MIB1: variants seen among roughly 807,000 people sequenced by gnomAD.
MIB1 encodes the protein E3 ubiquitin-protein ligase MIB1.
A neutral mutation model predicts 124.5 loss-of-function variants in MIB1; 278 were observed. The observed-to-expected ratio is 2.23, with a 90% CI of 2.02 to 2.47. The LOEUF (loss-of-function observed/expected upper bound fraction) is 2.47, where lower values mean the gene tolerates loss of function less well. MIB1 is among the 30% of genes most tolerant of loss of function. MIB1 has a pLI of 0.00. For synonymous variants in MIB1, 446 were observed against 429.4 expected, an observed-to-expected ratio of 1.04 and a Z score of -0.48; for missense variants, 957 against 1,254.4, an observed-to-expected ratio of 0.76 and a Z score of 3.58.
intron 3 of MIB1, 109 bp downstream of exon 3, chr18:21,768,861 A>G: frequency 2.1e-6 from 2 of 949,232 alleles, no homozygotes; most frequent in South Asian, 4.9e-5. Flanking sequence ...CATGCCAGTA[A>G]CAGTTTTTAA....
chr18:21,834,811 G>A (rs181596800), intron 12 of MIB1, among the ~76,000 whole-genome samples: 1 of 152,318 alleles, frequency 6.6e-6, no homozygotes, highest in East Asian at 1.9e-4. Flanking sequence ...TTCTGGAACA[G>A]AGAAAGAACA....
Position 21,768,324 on chromosome 18 carries a change from T to C in MIB1, c.402-299T>C, listed in dbSNP as rs183557029. Among the ~76,000 whole-genome samples the C allele has an allele frequency of 2.0e-5, 3 of 152,338 alleles. No individual in the cohort carries two copies. In the East Asian group the frequency reaches 5.8e-4, roughly 29 times the overall value. ...TTCCTCATTTATAAAGTGGATAATA[T>C]AGCGGTAACTTTCTCTTAAGGAGTG... is the stretch of plus-strand genomic sequence containing the variant. On this transcript the variant is annotated intron_variant, in intron 2 of 20. Coordinates refer to ENST00000261537, the MANE Select transcript of MIB1 (RefSeq NM_020774.4).
intron 13 of MIB1, among the ~76,000 whole-genome samples, chr18:21,839,432 AG>A (rs1568222267): frequency 6.6e-6 from 1 of 152,196 alleles, no homozygotes; most frequent in East Asian, 1.9e-4. Context: ...TCTTGAAATC[AG>A]GTAGATTAAA....
rs773562812 is a variant in MIB1 at position 21,819,473 on chromosome 18, G to A, written c.1678-22G>A. 17 of 1,512,062 alleles carry A rather than the reference G, an allele frequency of 1.1e-5. No individual in the cohort carries two copies. In the South Asian group the frequency reaches 2.1e-4, roughly 18 times the overall value. The allele number at this position is 1,512,062 out of a possible 1,614,324, so 93.7% of individuals were successfully genotyped here. ...TGGGATAATTAATTGAAGAACTAAT[G>A]AAAATTTCTTTAAACTTAAAGGATT... is the stretch of plus-strand genomic sequence containing the variant. On this transcript the variant is annotated intron_variant, in intron 11 of 20. Coordinates refer to ENST00000261537, the MANE Select transcript of MIB1 (RefSeq NM_020774.4).
intron 15 of MIB1, among the ~76,000 whole-genome samples, 169 bp from the exon 16 acceptor site, chr18:21,846,775 A>G (rs767797859): frequency 3.9e-5 from 6 of 152,166 alleles, no homozygotes; most frequent in Non-Finnish European, 7.4e-5. Context: ...CTACAACTGG[A>G]GAAAGCATAC....
Position 21,773,730 on chromosome 18 carries a change from T to G in MIB1, c.636+2T>G. 6.3e-7 allele frequency: 1 copy of G among 1,579,104 alleles called. No homozygotes were observed. Among genetic ancestry groups the G allele is most frequent in the Non-Finnish European group, 8.6e-7 (1 of 1,161,850 alleles). The stretch of plus-strand genomic sequence containing the variant: ...TACAGAGTTGGCTTTGAGGGCATGG[T>G]AAGTAGTGAAGAGCCATAGCAGGTG... On this transcript the variant is annotated splice_donor_variant, in intron 4 of 20. Transcript: ENST00000261537. LOFTEE classifies it high-confidence loss of function.
At chr18:21,714,887 T>C (rs1344079983) in intron 1 of MIB1, among the ~76,000 whole-genome samples, 2 of 152,120 alleles carry the variant, frequency 1.3e-5, no homozygotes, top group African/African-American at 4.8e-5. Context: ...GACCAGATGA[T>C]GAGAATTGCA....
At chr18:21,858,513 A>G in intron 19 of MIB1, 33 bp from the exon 20 acceptor site, 1 of 952,330 alleles carries the variant, frequency 1.1e-6, no homozygotes, top group Non-Finnish European at 1.7e-6. Context: ...CAAAGCAATA[A>G]TAACTGAAAA....
chr18:21,844,256 G>A lies in MIB1; in HGVS notation c.2211+3G>A, dbSNP rs2042116717. The A allele has an allele frequency of 1.2e-6, 2 of 1,613,638 alleles. No individual in the cohort carries two copies. The highest frequency in any genetic ancestry group is 1.7e-6 in the Non-Finnish European group (2 of 1,179,820). On this transcript the variant is annotated splice_donor_region_variant and intron_variant, in intron 15 of 20. Transcript: ENST00000261537. ...CCTGGGAGCCATCCAAAAACACGGT[G>A]AGTAAAGATCATCTTTCATTCAGTA...
intron 2 of MIB1, among the ~76,000 whole-genome samples, chr18:21,767,390 A>G (rs1264858892): frequency 2.0e-5 from 3 of 152,140 alleles, no homozygotes; most frequent in East Asian, 3.9e-4. Flanking sequence ...TATCAAGAGA[A>G]CAGCATGGAG....
At chr18:21,793,039 T>C (rs2041524839) in intron 7 of MIB1, among the ~76,000 whole-genome samples, 1 of 152,212 alleles carries the variant, frequency 6.6e-6, no homozygotes, top group African/African-American at 2.4e-5. Context: ...GATAAACCAC[T>C]GACAGCTATT....
At chr18:21,706,499 G>T (rs751120149) in intron 1 of MIB1, among the ~76,000 whole-genome samples, 1 of 152,206 alleles carries the variant, frequency 6.6e-6, no homozygotes, top group Non-Finnish European at 1.5e-5. Context: ...CCCTCTGCTT[G>T]CAGGGAGGTG....
chr18:21,863,687 G>T (rs975277414), intron 20 of MIB1, among the ~76,000 whole-genome samples: 3 of 152,008 alleles, frequency 2.0e-5, no homozygotes, highest in African/African-American at 4.8e-5. Flanking sequence ...GGCAACAATC[G>T]ATTGGTAAAA....
At position 21,740,990 on chromosome 18, in the gene MIB1, G is replaced by C. The variant is rs990902251; in HGVS notation, c.-594G>C. 6.6e-6 allele frequency among the ~76,000 whole-genome samples: 1 copy of C among 152,220 alleles called. No homozygotes were observed. Among genetic ancestry groups the C allele is most frequent in the Non-Finnish European group, 1.5e-5 (1 of 68,024 alleles). On this transcript the variant is annotated 5_prime_UTR_variant, in exon 1 of 21. Transcript: ENST00000261537. Reference sequence around the variant, plus strand: ...TCGCCCGGCTGGGACTCTGTGGCGGGGCGGAGCGCGGCGGCTGGTGCGGGG... The same window carrying C: ...TCGCCCGGCTGGGACTCTGTGGCGGCGCGGAGCGCGGCGGCTGGTGCGGGG...
At chr18:21,719,079 T>C (rs1341572985) in intron 1 of MIB1, among the ~76,000 whole-genome samples, 1 of 151,910 alleles carries the variant, frequency 6.6e-6, no homozygotes, top group African/African-American at 2.4e-5. Flanking sequence ...TCCCAGCTAC[T>C]TGGGAGGCCG....
At chr18:21,709,043 G>A (rs561665691) in intron 1 of MIB1, among the ~76,000 whole-genome samples, 9 of 152,116 alleles carry the variant, frequency 5.9e-5, no homozygotes, top group East Asian at 5.8e-4. Flanking sequence ...GAGGCCGGGC[G>A]CGGTGGCTCA....
chr18:21,856,178 T>C (rs1342003088), intron 18 of MIB1, among the ~76,000 whole-genome samples: 18 of 147,252 alleles, frequency 1.2e-4, no homozygotes, highest in East Asian at 2.0e-4. Context: ...TGCAGTGAGC[T>C]GAGATTGCGC....
chr18:21,806,625 G>GTT (rs1156634721), intron 10 of MIB1, among the ~76,000 whole-genome samples: 1,961 of 141,620 alleles, frequency 0.014, 43 homozygotes, highest in African/African-American at 0.043. Context: ...TTTGTTTTTT[G>GTT]TTTTTTTTTT....
intron 10 of MIB1, among the ~76,000 whole-genome samples, chr18:21,805,174 G>A (rs2041690320): frequency 6.6e-6 from 1 of 151,878 alleles, no homozygotes; most frequent in Non-Finnish European, 1.5e-5. Context: ...TACCACACCT[G>A]GGTAATTTTT....
Sources: allele counts gnomAD v4.1 joint callset (sites outside exome capture counted in the v4.1 genomes callset), GRCh38; gene constraint gnomAD v4.1.1; transcripts MANE v1.5; gene names NCBI Gene and HGNC (gene_info 2026-07-23, HGNC 2026-07-21).